Variants in THEM4 observed in about 807,000 individuals in gnomAD.
The protein encoded by THEM4 is thioesterase superfamily member 4.
Under a neutral mutation model 25.0 loss-of-function variants are expected in THEM4, and 22 were observed. The observed-to-expected ratio is 0.88, with a 90% CI of 0.63 to 1.26. The LOEUF is 1.26. THEM4 is among the 50% of genes most tolerant of loss of function. The pLI is 0.00. For synonymous variants in THEM4, 113 were observed against 105.6 expected (o/e 1.07, Z -0.43); for missense variants, 286 against 300.3 (o/e 0.95, Z 0.35).
At position 151,871,849 on chromosome 1, in the gene THEM4, G is replaced by A. The variant is rs1301762342; in HGVS notation, c.*3039C>T. ...TGCAAGCCTGCCAGAGAAATCTAAC[G>A]ATGAGAGTACAGTACCTTCATTGTC... On this transcript the variant is annotated 3_prime_UTR_variant, in exon 6 of 6. Coordinates refer to ENST00000368814, the MANE Select transcript of THEM4 (RefSeq NM_053055.5). Among the ~76,000 whole-genome samples, 1 of 152,198 alleles carries A rather than the reference G, an allele frequency of 6.6e-6. No homozygotes were observed. The highest frequency in any genetic ancestry group is 1.9e-4 in the East Asian group (1 of 5,202).
At chr1:151,876,243 G>C (rs1379506739) in intron 5 of THEM4, among the ~76,000 whole-genome samples, 1 of 152,094 alleles carries the variant, frequency 6.6e-6, no homozygotes, top group Non-Finnish European at 1.5e-5. Flanking sequence ...ATAGTTCATA[G>C]GTGAGCTGTA....
At chr1:151,888,478 A>T in intron 3 of THEM4, 95 bp from the exon 4 acceptor site, 1 of 858,640 alleles carries the variant, frequency 1.2e-6, no homozygotes, top group South Asian at 1.7e-5. Flanking sequence ...TCTTCACACT[A>T]TTTACTTATG....
At chr1:151,893,586 G>C (rs1654144055) in intron 2 of THEM4, among the ~76,000 whole-genome samples, 1 of 152,034 alleles carries the variant, frequency 6.6e-6, no homozygotes, top group Non-Finnish European at 1.5e-5. Context: ...AGTGTGGATG[G>C]TTCACTCACA....
At chr1:151,875,997 G>C (rs1653663377) in intron 5 of THEM4, among the ~76,000 whole-genome samples, 1 of 152,126 alleles carries the variant, frequency 6.6e-6, no homozygotes, top group South Asian at 2.1e-4. Context: ...AATAGTCAGA[G>C]GCCTGTCACT....
chr1:151,905,828 T>A (rs1308172014), intron 1 of THEM4, among the ~76,000 whole-genome samples: 2 of 152,254 alleles, frequency 1.3e-5, no homozygotes, highest in African/African-American at 4.8e-5. Flanking sequence ...TTATAAGACA[T>A]GCCTGAGTAG....
At position 151,882,508 on chromosome 1, in the gene THEM4, G is replaced by C. The variant is rs1653865871; in HGVS notation, c.558-5383C>G. ...ATGGATGAGGAAACTGAGGCCCAGAGAGGTTAGGTAATTTGCTAAAGCTGT... is the reference window on the plus strand; with the variant it reads ...ATGGATGAGGAAACTGAGGCCCAGACAGGTTAGGTAATTTGCTAAAGCTGT... On this transcript the variant is annotated intron_variant, in intron 4 of 5. Coordinates refer to ENST00000368814, the MANE Select transcript of THEM4 (RefSeq NM_053055.5). 2.0e-5 allele frequency among the ~76,000 whole-genome samples: 3 copies of C among 152,158 alleles called. No individual in the cohort carries two copies. In the South Asian group the frequency reaches 6.2e-4, roughly 31 times the overall value.
In THEM4 at chr1:151,907,178, A is replaced by G. The variant is rs192176283; in HGVS notation, c.99+2182T>C. ...CTCCAGACGTGCTGCCTTAAGAGCT[A>G]TAACACTCACCACGAAGGTCCGCAA... On this transcript the variant is annotated intron_variant, in intron 1 of 5. Coordinates refer to ENST00000368814, the MANE Select transcript of THEM4 (RefSeq NM_053055.5). Among the ~76,000 whole-genome samples the G allele has an allele frequency of 3.0e-4, 45 of 152,240 alleles. No homozygotes were observed. In the East Asian group the frequency reaches 8.7e-3, roughly 29 times the overall value.
intron 1 of THEM4, among the ~76,000 whole-genome samples, chr1:151,895,690 A>AG: frequency 6.6e-6 from 1 of 151,566 alleles, no homozygotes; most frequent in East Asian, 1.9e-4. Context: ...AGGAAAAAAA[A>AG]AAAAAACACT....
In THEM4 at chr1:151,871,816, A is replaced by G. The variant is rs148211847; in HGVS notation, c.*3072T>C. On this transcript the variant is annotated 3_prime_UTR_variant, in exon 6 of 6. Transcript: ENST00000368814. ...CTTGGCTGGAGGTCTGGTGTGCCAT[A>G]GCAGTTCTGCAAGCCTGCCAGAGAA... is the stretch of plus-strand genomic sequence containing the variant. Among the ~76,000 whole-genome samples, 3 of 152,352 alleles carry G rather than the reference A, an allele frequency of 2.0e-5. No homozygotes were observed. The highest frequency in any genetic ancestry group is 7.2e-5 in the African/African-American group (3 of 41,586).
rs569061078 is a variant in THEM4, at chr1:151,878,605, A to C, written c.558-1480T>G. On this transcript the variant is annotated intron_variant, in intron 4 of 5. Transcript: ENST00000368814. ...TTTTTTGCTTAAGCTAGTGAGAGTT[A>C]AGAGTTGCCCTTGTAACAGAAAGTC... 4.6e-5 allele frequency among the ~76,000 whole-genome samples: 7 copies of C among 152,362 alleles called. No individual in the cohort carries two copies. In the South Asian group the frequency reaches 1.4e-3, roughly 32 times the overall value.
At chr1:151,903,731 C>T (rs536758463) in intron 1 of THEM4, among the ~76,000 whole-genome samples, 3 of 152,324 alleles carry the variant, frequency 2.0e-5, no homozygotes, top group South Asian at 4.1e-4. Context: ...AATTTGAACT[C>T]ATCTCATTAG....
intron 1 of THEM4, among the ~76,000 whole-genome samples, chr1:151,898,385 C>T (rs912407854): frequency 1.3e-5 from 2 of 152,178 alleles, no homozygotes; most frequent in Admixed American, 1.3e-4. Flanking sequence ...TACACAACTC[C>T]AGTGACCCGG....
chr1:151,893,788 G>A (rs191005313), intron 2 of THEM4, among the ~76,000 whole-genome samples: 2 of 152,220 alleles, frequency 1.3e-5, no homozygotes, highest in East Asian at 3.9e-4. Flanking sequence ...CATCCAGTAA[G>A]GGAGGAGAGT....
rs767387590 is a variant in THEM4 at position 151,889,189 on chromosome 1, C to T, written c.446+25G>A. 67 of 1,606,834 alleles carry T rather than the reference C, an allele frequency of 4.2e-5. 1 individual carries two copies. The South Asian group carries it at 7.2e-4, about 17-fold the overall frequency. On this transcript the variant is annotated intron_variant, in intron 3 of 5. Coordinates refer to ENST00000368814, the MANE Select transcript of THEM4 (RefSeq NM_053055.5). ...GTGTAAGATAAAAATCTTTTAGATC[C>T]ACACTTTCAGGCTATCATTCTTACC...
intron 4 of THEM4, among the ~76,000 whole-genome samples, chr1:151,879,850 G>A (rs1338519180): frequency 1.3e-5 from 2 of 151,640 alleles, no homozygotes; most frequent in Non-Finnish European, 2.9e-5. Context: ...TAGAGATGGG[G>A]TTTCACCATG....
At chr1:151,879,209 C>T (rs1481406185) in intron 4 of THEM4, among the ~76,000 whole-genome samples, 9 of 152,028 alleles carry the variant, frequency 5.9e-5, no homozygotes, top group African/African-American at 2.2e-4. Flanking sequence ...AAAGAAGACA[C>T]TGAGGCACTA....
In THEM4 at chr1:151,872,684, G is replaced by A. The variant is rs1003864440; in HGVS notation, c.*2204C>T. 6.6e-6 allele frequency among the ~76,000 whole-genome samples: 1 copy of A among 152,162 alleles called. No homozygotes were observed. Among genetic ancestry groups the A allele is most frequent in the Non-Finnish European group, 1.5e-5 (1 of 68,034 alleles). ...GTGCTGTATGGAATCAAGGTTTAAG[G>A]GATCTAGGACTGTGCAGGACGTGCC... On this transcript the variant is annotated 3_prime_UTR_variant, in exon 6 of 6. Coordinates refer to ENST00000368814, the MANE Select transcript of THEM4 (RefSeq NM_053055.5).
rs112069160 is a variant in THEM4, at chr1:151,901,860, A to AC, written c.100-6667_100-6666insG. On this transcript the variant is annotated intron_variant, in intron 1 of 5. Coordinates refer to ENST00000368814, the MANE Select transcript of THEM4 (RefSeq NM_053055.5). ...CTCTGTCTCAGAAAAAAACAAACAA[A>AC]AAAAAAAAACAAAAAAACCATGCTC... Among the ~76,000 whole-genome samples, 238 of 151,956 alleles carry AC rather than the reference A, an allele frequency of 1.6e-3. 3 individuals are homozygous for AC. In the South Asian group the frequency reaches 0.025, roughly 16 times the overall value.
rs939680382 is a variant in THEM4 at position 151,872,934 on chromosome 1, T to C, written c.*1954A>G. On this transcript the variant is annotated 3_prime_UTR_variant, in exon 6 of 6. Transcript: ENST00000368814. ...CAGCCCGACACCCGCAAAGGGTCTGTGCTGAGGGGGATTAGTAAAAGAGGA... is the reference window on the plus strand; with the variant it reads ...CAGCCCGACACCCGCAAAGGGTCTGCGCTGAGGGGGATTAGTAAAAGAGGA... 2.6e-5 allele frequency among the ~76,000 whole-genome samples: 4 copies of C among 151,950 alleles called. No individual in the cohort carries two copies. The South Asian group carries it at 8.3e-4, about 32-fold the overall frequency.
Sources: gnomAD v4.1 joint callset for allele counts (sites outside exome capture counted in the v4.1 genomes callset) on GRCh38, gnomAD v4.1.1 for gene constraint, MANE v1.5 for transcripts, NCBI Gene and HGNC (gene_info 2026-07-23, HGNC 2026-07-21) for gene names.